OPCML: variants seen among roughly 807,000 people sequenced by gnomAD.
The protein encoded by OPCML is opioid binding protein/cell adhesion molecule like, also known as opioid-binding protein/cell adhesion molecule.
OPCML carries 13 observed loss-of-function variants against 37.8 expected under a neutral mutation model. The ratio of observed to expected loss-of-function variants is 0.34; its 90% CI spans 0.22 to 0.55. The LOEUF (loss-of-function observed/expected upper bound fraction) is 0.55, where lower values mean the gene tolerates loss of function less well. Among genes scored for constraint, OPCML ranks in the 20% least tolerant of loss-of-function variants. The pLI, the probability that OPCML is intolerant of heterozygous loss-of-function variation, is 0.91. For synonymous variants in OPCML, 176 were observed against 168.8 expected (o/e 1.04, Z -0.33); for missense variants, 341 against 435.6 (o/e 0.78, Z 1.93).
intron 2 of OPCML, among the ~76,000 whole-genome samples, chr11:132,845,527 T>C (rs1189388771): frequency 6.6e-6 from 1 of 152,160 alleles, no homozygotes; most frequent in Non-Finnish European, 1.5e-5. Context: ...CCAGTAGCTA[T>C]GGGGAGGGAT....
At chr11:133,253,307 C>T (rs1018893848) in intron 1 of OPCML, among the ~76,000 whole-genome samples, 7 of 151,888 alleles carry the variant, frequency 4.6e-5, no homozygotes, top group African/African-American at 1.7e-4. Context: ...GTGCAAGTCA[C>T]ATTTTATTTT....
rs556259122 is a variant in OPCML, at chr11:133,378,662, C to T, written c.61+153602G>A. On this transcript the variant is annotated intron_variant, in intron 1 of 7. Coordinates refer to ENST00000524381, the MANE Select transcript of OPCML (RefSeq NM_001012393.5). ...TGCTGCATGCGAATTTCTTTCTTTTCTTTCTTTCTTTTCTTTTCTTTCTTT... is the reference window on the plus strand; with the variant it reads ...TGCTGCATGCGAATTTCTTTCTTTTTTTTCTTTCTTTTCTTTTCTTTCTTT... Among the ~76,000 whole-genome samples the T allele has an allele frequency of 3.3e-5, 5 of 151,008 alleles. No individual in the cohort carries two copies. The South Asian group carries it at 1.1e-3, about 32-fold the overall frequency.
At chr11:132,715,003 C>G (rs1944414958) in intron 2 of OPCML, among the ~76,000 whole-genome samples, 1 of 152,140 alleles carries the variant, frequency 6.6e-6, no homozygotes, top group African/African-American at 2.4e-5. Context: ...TGCTCCAATC[C>G]TAGTGACACT....
chr11:133,251,206 G>A (rs1941121127), intron 1 of OPCML, among the ~76,000 whole-genome samples: 1 of 152,048 alleles, frequency 6.6e-6, no homozygotes, highest in African/African-American at 2.4e-5. Context: ...TCACGACAGT[G>A]GGCTACAACA....
At chr11:132,997,201 A>G (rs948325918) in intron 1 of OPCML, among the ~76,000 whole-genome samples, 4 of 152,144 alleles carry the variant, frequency 2.6e-5, no homozygotes, top group African/African-American at 9.7e-5. Context: ...TCGCCCTCAC[A>G]CGTATCTGCA....
chr11:133,011,236 G>A (rs1460719902), intron 1 of OPCML, among the ~76,000 whole-genome samples: 1 of 152,176 alleles, frequency 6.6e-6, no homozygotes, highest in Non-Finnish European at 1.5e-5. Flanking sequence ...AGTCTAAGTG[G>A]CAGCATGACT....
chr11:133,292,191 T>C (rs766242371), intron 1 of OPCML, among the ~76,000 whole-genome samples: 27 of 152,170 alleles, frequency 1.8e-4, no homozygotes, highest in Non-Finnish European at 3.1e-4. Flanking sequence ...CCAGAACACT[T>C]TGGCTCACAG....
intron 1 of OPCML, among the ~76,000 whole-genome samples, chr11:132,994,158 T>C (rs1181140291): frequency 6.6e-6 from 1 of 152,196 alleles, no homozygotes; most frequent in Non-Finnish European, 1.5e-5. Flanking sequence ...TCCAGAGCTA[T>C]TGTTAGTCCG....
intron 1 of OPCML, among the ~76,000 whole-genome samples, chr11:133,093,264 GTTC>G (rs1180786577): frequency 3.4e-5 from 5 of 146,324 alleles, no homozygotes; most frequent in Admixed American, 2.1e-4. Context: ...CCAATGTATC[GTTC>G]TTTTTTTTCC....
chr11:133,114,335 G>A (rs1949299804), intron 1 of OPCML, among the ~76,000 whole-genome samples: 2 of 152,064 alleles, frequency 1.3e-5, no homozygotes, highest in African/African-American at 4.8e-5. Flanking sequence ...CCAAACTTTT[G>A]GGGTCGTTCT....
intron 1 of OPCML, among the ~76,000 whole-genome samples, chr11:133,512,265 TTTGA>T (rs2120631311): frequency 6.6e-6 from 1 of 152,350 alleles, no homozygotes; most frequent in South Asian, 2.1e-4. Context: ...CCACCCAGTC[TTTGA>T]TTGATTTACT....
chr11:133,406,690 A>G (rs1186606019), intron 1 of OPCML, among the ~76,000 whole-genome samples: 1 of 152,158 alleles, frequency 6.6e-6, no homozygotes, highest in Non-Finnish European at 1.5e-5. Context: ...GTGTGCAGAG[A>G]GATAAAGCCA....
chr11:132,422,706 G>A lies in OPCML; in HGVS notation c.917-2413C>T, dbSNP rs78758694. On this transcript the variant is annotated intron_variant, in intron 7 of 7. Coordinates refer to ENST00000524381, the MANE Select transcript of OPCML (RefSeq NM_001012393.5). ...AAACAGGAAAACTGGGAACAGAGCA[G>A]TTAGACATCTTAGCTATGGCCACGC... Among the ~76,000 whole-genome samples, 35 of 152,366 alleles carry A rather than the reference G, an allele frequency of 2.3e-4. No individual in the cohort carries two copies. The East Asian group carries it at 6.6e-3, about 29-fold the overall frequency.
intron 4 of OPCML, among the ~76,000 whole-genome samples, chr11:132,495,190 T>C (rs1038328903): frequency 1.1e-4 from 17 of 152,222 alleles, no homozygotes; most frequent in African/African-American, 4.1e-4. Flanking sequence ...AAAACATTTA[T>C]TGAGCCTTCA....
In OPCML at chr11:133,008,262, G is replaced by A. The variant is rs1947150031; in HGVS notation, c.62-65252C>T. On this transcript the variant is annotated intron_variant, in intron 1 of 7. Coordinates refer to ENST00000524381, the MANE Select transcript of OPCML (RefSeq NM_001012393.5). ...GTGACTTAGTAGAGCAAGAAATTGG[G>A]TGAATCATAGAGAGTTGACAATCAA... 8 of 985,396 alleles carry A rather than the reference G, an allele frequency of 8.1e-6. 1 individual carries two copies. The South Asian group carries it at 2.8e-4, about 35-fold the overall frequency. The allele number at this position is 985,396 out of a possible 1,614,324, so 61.0% of individuals were successfully genotyped here.
At chr11:132,451,018 A>G (rs1037611734) in intron 4 of OPCML, among the ~76,000 whole-genome samples, 1 of 152,176 alleles carries the variant, frequency 6.6e-6, no homozygotes. Flanking sequence ...AAAGAGAAAC[A>G]CAGCTAAATA....
At chr11:133,001,879 T>C (rs1387914853) in intron 1 of OPCML, among the ~76,000 whole-genome samples, 1 of 152,214 alleles carries the variant, frequency 6.6e-6, no homozygotes, top group Non-Finnish European at 1.5e-5. Context: ...GGCAAGAGTA[T>C]TTATTGTGAG....
intron 3 of OPCML, among the ~76,000 whole-genome samples, chr11:132,615,057 T>A (rs1565713095): frequency 6.6e-6 from 1 of 152,218 alleles, no homozygotes; most frequent in Non-Finnish European, 1.5e-5. Flanking sequence ...CTACAAAGGA[T>A]TAAAAATGAG....
chr11:133,146,249 G>A (rs1949894640), intron 1 of OPCML, among the ~76,000 whole-genome samples: 1 of 151,988 alleles, frequency 6.6e-6, no homozygotes, highest in African/African-American at 2.4e-5. Context: ...GCTCTGGGAG[G>A]GAGAGGTCAT....
Sources: gnomAD v4.1 joint callset for allele counts (sites outside exome capture counted in the v4.1 genomes callset) on GRCh38, gnomAD v4.1.1 for gene constraint, MANE v1.5 for transcripts, NCBI Gene and HGNC (gene_info 2026-07-23, HGNC 2026-07-21) for gene names.